Variants in EDAR observed in about 807,000 individuals in gnomAD.
EDAR encodes the protein ectodysplasin A receptor, also known as tumor necrosis factor receptor superfamily member EDAR.
EDAR carries 38 observed loss-of-function variants against 51.3 expected under a neutral mutation model. The ratio of observed to expected loss-of-function variants is 0.74; its 90% CI spans 0.57 to 0.97. EDAR has a LOEUF of 0.97. EDAR is among the 50% of genes least tolerant of loss of function. The pLI, the probability that EDAR is intolerant of heterozygous loss-of-function variation, is 0.00. For missense variants in EDAR, 528 were observed against 595.0 expected (o/e 0.89, Z 1.17); for synonymous variants, 227 against 242.1 (o/e 0.94, Z 0.58).
intron 1 of EDAR, among the ~76,000 whole-genome samples, chr2:108,959,914 A>C (rs1698006488): frequency 6.6e-6 from 1 of 152,220 alleles, no homozygotes; most frequent in African/African-American, 2.4e-5. Context: ...CTTGCCCTAC[A>C]CAACATTCTC....
At chr2:108,982,903 AG>A (rs1201458596) in intron 1 of EDAR, among the ~76,000 whole-genome samples, 2 of 152,252 alleles carry the variant, frequency 1.3e-5, no homozygotes, top group Non-Finnish European at 2.9e-5. Flanking sequence ...CAGACAGGCC[AG>A]GTGCCTGCTG....
intron 1 of EDAR, among the ~76,000 whole-genome samples, chr2:108,956,780 C>A (rs1377923992): frequency 8.0e-6 from 1 of 124,386 alleles, no homozygotes; most frequent in African/African-American, 4.2e-5. Flanking sequence ...AAGGCGAAAG[C>A]TCTCTTTTTT....
rs1161207810 is a variant in EDAR, at chr2:108,930,137, C to A, written c.157G>T (p.Gly53Ter). The A allele has an allele frequency of 1.9e-6, 3 of 1,613,758 alleles. No individual in the cohort carries two copies. Among genetic ancestry groups the A allele is most frequent in the Non-Finnish European group, 2.5e-6 (3 of 1,179,990 alleles). The change falls in exon 3 of 12, where the codon GGA becomes TGA. Residue 53 changes from glycine (G) to a stop codon, truncating the protein, a stop_gained. Transcript: ENST00000258443. LOFTEE classifies it high-confidence loss of function. ...LCQECPPCGP[G>*]EEPYLSCGYG... is the part of the protein sequence containing the mutation. ...GTCCTTACCAGGTAGGGCTCCTCTC[C>A]CGGCCCACACGGGGGGCACTCCTGG...
intron 1 of EDAR, among the ~76,000 whole-genome samples, chr2:108,964,285 G>A (rs1046897883): frequency 8.5e-5 from 13 of 152,170 alleles, no homozygotes; most frequent in African/African-American, 1.4e-4. Flanking sequence ...GAGGTCCACC[G>A]GTGACCTGTG....
chr2:108,929,239 C>A lies in EDAR; in HGVS notation c.315G>T (p.Gly105=). 6.2e-7 allele frequency: 1 copy of A among 1,614,160 alleles called. No homozygotes were observed. Among genetic ancestry groups the A allele is most frequent in the Non-Finnish European group, 8.5e-7 (1 of 1,180,042 alleles). ...CACACTCAGCGTCATTCTCCATGTCCCCTGGTGTCAGCACGGTGGCCCGGA... is the reference window on the plus strand; with the variant it reads ...CACACTCAGCGTCATTCTCCATGTCACCTGGTGTCAGCACGGTGGCCCGGA... ...GFFRATVLTP[G]DMENDAECGP... The change falls in exon 4 of 12, where the codon GGG becomes GGT. Residue 105 remains glycine, a synonymous_variant. Coordinates refer to ENST00000258443, the MANE Select transcript of EDAR (RefSeq NM_022336.4).
chr2:108,910,374 G>GGC, intron 9 of EDAR, 86 bp downstream of exon 9: 1 of 1,106,714 alleles, frequency 9.0e-7, no homozygotes, highest in South Asian at 1.3e-5. Context: ...TAGCCTGTCA[G>GGC]TTCACTCGGC....
chr2:108,982,396 T>A (rs980812483), intron 1 of EDAR, among the ~76,000 whole-genome samples: 2 of 152,236 alleles, frequency 1.3e-5, no homozygotes, highest in Non-Finnish European at 2.9e-5. Flanking sequence ...CTGCTTTAAC[T>A]GATGCCGTGG....
At chr2:108,920,731 T>C (rs1697119757) in intron 5 of EDAR, among the ~76,000 whole-genome samples, 1 of 152,082 alleles carries the variant, frequency 6.6e-6, no homozygotes, top group African/African-American at 2.4e-5. Flanking sequence ...TAAAGGAAAA[T>C]ATATGTTGCT....
chr2:108,913,698 TCTTCTTGTTAGA>T (rs1355561020), intron 5 of EDAR, among the ~76,000 whole-genome samples: 1 of 152,118 alleles, frequency 6.6e-6, no homozygotes, highest in East Asian at 1.9e-4. Context: ...GGGTATGAGT[TCTTCTTGTTAGA>T]AGGACAAGAG....
At chr2:108,978,767 G>A (rs1029057544) in intron 1 of EDAR, among the ~76,000 whole-genome samples, 3 of 152,156 alleles carry the variant, frequency 2.0e-5, no homozygotes, top group East Asian at 3.8e-4. Context: ...ACAGTCTATC[G>A]GTAAGCTGGA....
chr2:108,973,372 G>C (rs1218167975), intron 1 of EDAR, among the ~76,000 whole-genome samples: 1 of 152,216 alleles, frequency 6.6e-6, no homozygotes, highest in Non-Finnish European at 1.5e-5. Context: ...TAGGGCAGGA[G>C]GGCGGTGCAG....
intron 9 of EDAR, among the ~76,000 whole-genome samples, chr2:108,909,632 A>C (rs1027391644): frequency 6.6e-6 from 1 of 152,202 alleles, no homozygotes; most frequent in Non-Finnish European, 1.5e-5. Context: ...GGGTCCGAGC[A>C]CATTGCCTGG....
intron 4 of EDAR, among the ~76,000 whole-genome samples, chr2:108,924,106 C>T (rs1179254546): frequency 6.6e-6 from 1 of 152,250 alleles, no homozygotes; most frequent in East Asian, 1.9e-4. Flanking sequence ...CAAGCCTTTA[C>T]GCTGGGGCTG....
intron 4 of EDAR, among the ~76,000 whole-genome samples, chr2:108,924,589 G>A (rs370543358): frequency 2.0e-5 from 3 of 152,184 alleles, no homozygotes; most frequent in East Asian, 3.9e-4. Flanking sequence ...CCCTGCTGAC[G>A]GTAGTGCTAA....
chr2:108,934,930 T>A (rs1697437247), intron 1 of EDAR, among the ~76,000 whole-genome samples: 1 of 152,214 alleles, frequency 6.6e-6, no homozygotes, highest in African/African-American at 2.4e-5. Context: ...GCTTAACTTG[T>A]GGAACTAACC....
At chr2:108,908,101 A>T (rs953209380) in intron 9 of EDAR, 82 bp from the exon 10 acceptor site, 1 of 1,461,398 alleles carries the variant, frequency 6.8e-7, no homozygotes, top group African/African-American at 1.4e-5. Flanking sequence ...GAACTTGTCC[A>T]TTGCCCAGCT....
intron 1 of EDAR, among the ~76,000 whole-genome samples, chr2:108,935,824 A>G (rs1299953090): frequency 6.6e-6 from 1 of 152,190 alleles, no homozygotes; most frequent in Non-Finnish European, 1.5e-5. Flanking sequence ...CTGTCCAGGG[A>G]GCCAGACATG....
intron 5 of EDAR, among the ~76,000 whole-genome samples, chr2:108,922,873 C>T (rs1416185857): frequency 6.6e-6 from 1 of 152,202 alleles, no homozygotes; most frequent in Middle Eastern, 3.2e-3. Context: ...AGGAAAGAAA[C>T]ACCCCAAGGC....
rs1241497565 is a variant in EDAR, at chr2:108,912,728, G to C, written c.479C>G (p.Pro160Arg). Reference sequence around the variant, plus strand: ...CAGGGTGCTGCTGCCCGAGGTGCCAGGGAAGTTGGCAGAAGCTCCTGAAGT... The same window carrying C: ...CAGGGTGCTGCTGCCCGAGGTGCCACGGAAGTTGGCAGAAGCTCCTGAAGT... Reference protein sequence around the residue: ...GATSGASANFPGTSGSSTLSP... With the variant: ...GATSGASANFRGTSGSSTLSP... The change falls in exon 6 of 12, where the codon CCT becomes CGT. Residue 160 changes from proline to arginine, a missense_variant. Pro to Arg is a moderately radical substitution (Grantham distance 103, BLOSUM62 -2). Coordinates refer to ENST00000258443, the MANE Select transcript of EDAR (RefSeq NM_022336.4). 1 of 1,602,898 alleles carries C rather than the reference G, an allele frequency of 6.2e-7. No homozygotes were observed. The highest frequency in any genetic ancestry group is 1.1e-5 in the South Asian group (1 of 88,204).
Sources: allele counts gnomAD v4.1 joint callset (sites outside exome capture counted in the v4.1 genomes callset), GRCh38; gene constraint gnomAD v4.1.1; transcripts MANE v1.5; gene names NCBI Gene and HGNC (gene_info 2026-07-23, HGNC 2026-07-21).